The following SMIM3 variants were observed in gnomAD, a reference collection of about 807,000 sequenced individuals.
SMIM3 encodes small integral membrane protein 3.
SMIM3 carries 4 observed loss-of-function variants against 2.1 expected under a neutral mutation model. The observed-to-expected ratio is 1.89, with a 90% CI of 0.93 to 4.31. The LOEUF (loss-of-function observed/expected upper bound fraction) is 4.31. SMIM3 is among the 30% of genes most tolerant of loss of function. The pLI is 0.01. For missense variants in SMIM3, 79 were observed against 77.7 expected, an observed-to-expected ratio of 1.02 and a Z score of -0.06; for synonymous variants, 29 against 30.8, an observed-to-expected ratio of 0.94 and a Z score of 0.19.
At chr5:150,788,702 C>T (rs532195189) in intron 1 of SMIM3, among the ~76,000 whole-genome samples, 158 of 151,034 alleles carry the variant, frequency 1.0e-3, no homozygotes, top group Non-Finnish European at 4.6e-4. Flanking sequence ...CATTGCTTTT[C>T]CCCCCACCTT....
At chr5:150,795,325 A>C in intron 1 of SMIM3, 105 bp from the exon 2 acceptor site, 1 of 1,177,156 alleles carries the variant, frequency 8.5e-7, no homozygotes, top group Non-Finnish European at 1.3e-6. Flanking sequence ...TAAAGTTTAC[A>C]TATCTGGTAA....
chr5:150,792,811 G>A (rs2113207186), intron 1 of SMIM3, among the ~76,000 whole-genome samples: 1 of 152,274 alleles, frequency 6.6e-6, no homozygotes, highest in African/African-American at 2.4e-5. Context: ...CAAAGTGTTG[G>A]GGTTATAGGC....
At chr5:150,791,684 T>C (rs1285635252) in intron 1 of SMIM3, among the ~76,000 whole-genome samples, 1 of 152,208 alleles carries the variant, frequency 6.6e-6, no homozygotes, top group Non-Finnish European at 1.5e-5. Flanking sequence ...TTCCATAACT[T>C]GGCTCTTGTG....
At position 150,795,684 on chromosome 5, in the gene SMIM3, T is replaced by G; in HGVS notation, c.*61T>G. The G allele has an allele frequency of 6.6e-7, 1 of 1,507,852 alleles. No individual in the cohort carries two copies. The allele number at this position is 1,507,852 out of a possible 1,614,324, so 93.4% of individuals were successfully genotyped here. The stretch of plus-strand genomic sequence containing the variant: ...AGGCATCCTATCCCCAGCCTCTTCC[T>G]GTCTTCAGAAAAGCAGCAGGAGGGA... On this transcript the variant is annotated 3_prime_UTR_variant, in exon 2 of 2. Coordinates refer to ENST00000526627, the MANE Select transcript of SMIM3 (RefSeq NM_032947.5).
chr5:150,782,129 T>C (rs1753242349), intron 1 of SMIM3, among the ~76,000 whole-genome samples: 1 of 152,188 alleles, frequency 6.6e-6, no homozygotes, highest in South Asian at 2.1e-4. Context: ...GAGTGCTCCT[T>C]AGGGACTTTG....
chr5:150,786,611 CT>C (rs1753296340), intron 1 of SMIM3, among the ~76,000 whole-genome samples: 1 of 152,134 alleles, frequency 6.6e-6, no homozygotes, highest in African/African-American at 2.4e-5. Flanking sequence ...TTAAAAAAAT[CT>C]GTTTATTCTT....
intron 1 of SMIM3, among the ~76,000 whole-genome samples, chr5:150,783,852 G>A (rs969725683): frequency 5.9e-5 from 9 of 151,536 alleles, no homozygotes; most frequent in South Asian, 2.1e-4. Flanking sequence ...TTCCTACATT[G>A]GGCCCAGATC....
intron 1 of SMIM3, among the ~76,000 whole-genome samples, chr5:150,788,673 T>C (rs1042194280): frequency 1.3e-5 from 2 of 151,994 alleles, no homozygotes; most frequent in African/African-American, 4.8e-5. Context: ...AAAGTTTTTT[T>C]CCTCTTTCGT....
intron 1 of SMIM3, among the ~76,000 whole-genome samples, chr5:150,781,180 C>T (rs536484445): frequency 1.3e-5 from 2 of 152,306 alleles, no homozygotes; most frequent in East Asian, 1.9e-4. Context: ...GGCACCCTGG[C>T]TCCAGGGCCT....
chr5:150,779,050 G>A, intron 1 of SMIM3, 78 bp downstream of exon 1: 1 of 462,904 alleles, frequency 2.2e-6, no homozygotes, highest in South Asian at 1.6e-5. Context: ...TACCTCTAGT[G>A]CGGCCCCTTT....
At chr5:150,792,276 G>A (rs1490157858) in intron 1 of SMIM3, among the ~76,000 whole-genome samples, 2 of 152,236 alleles carry the variant, frequency 1.3e-5, no homozygotes, top group Non-Finnish European at 2.9e-5. Context: ...ACCTGCAGGA[G>A]ATAGTTCCAG....
intron 1 of SMIM3, among the ~76,000 whole-genome samples, chr5:150,780,327 A>G (rs999778751): frequency 2.6e-5 from 4 of 152,186 alleles, no homozygotes; most frequent in Admixed American, 2.6e-4. Flanking sequence ...CACAGCAGCC[A>G]TCTAGACACA....
intron 1 of SMIM3, among the ~76,000 whole-genome samples, chr5:150,783,676 T>C (rs928794093): frequency 6.6e-6 from 1 of 152,216 alleles, no homozygotes; most frequent in Non-Finnish European, 1.5e-5. Flanking sequence ...TATTGCCTTC[T>C]TCCTCAGTGA....
rs1456888453 is a variant in SMIM3, at chr5:150,778,888, C to T, written c.-96C>T. On this transcript the variant is annotated 5_prime_UTR_variant, in exon 1 of 2. Transcript: ENST00000526627. Reference sequence around the variant, plus strand: ...AGGCCTGGGGGTCGCTTCCAGCTGCCAGATCCCGTGCAGTCCTGGGGACCC... The same window carrying T: ...AGGCCTGGGGGTCGCTTCCAGCTGCTAGATCCCGTGCAGTCCTGGGGACCC... 2 of 501,662 alleles carry T rather than the reference C, an allele frequency of 4.0e-6. No homozygotes were observed. The highest frequency in any genetic ancestry group is 6.1e-5 in the East Asian group (1 of 16,304). 31.1% of individuals were successfully genotyped at this position (501,662 alleles called of 1,614,324 possible).
intron 1 of SMIM3, among the ~76,000 whole-genome samples, chr5:150,782,349 G>T (rs1321748671): frequency 6.6e-6 from 1 of 152,128 alleles, no homozygotes. Context: ...TCTCATATTG[G>T]ACTTGGCATG....
intron 1 of SMIM3, 113 bp downstream of exon 1, chr5:150,779,085 T>C (rs927926001): frequency 9.1e-6 from 4 of 439,006 alleles, no homozygotes; most frequent in Admixed American, 7.8e-5. Context: ...CGTTCTTCTT[T>C]ATGTCCGGTC....
rs543114113 is a variant in SMIM3, at chr5:150,792,982, A to G, written c.-11-2448A>G. Among the ~76,000 whole-genome samples the G allele has an allele frequency of 4.6e-5, 7 of 152,278 alleles. No individual in the cohort carries two copies. The South Asian group carries it at 1.2e-3, about 27-fold the overall frequency. On this transcript the variant is annotated intron_variant, in intron 1 of 1. Transcript: ENST00000526627. Reference sequence around the variant, plus strand: ...AGTGTCCAGCAGGTGCATATATTCCATTAGTAACTAGTTAAGAATGAAATA... The same window carrying G: ...AGTGTCCAGCAGGTGCATATATTCCGTTAGTAACTAGTTAAGAATGAAATA...
At chr5:150,784,182 G>T (rs1167206991) in intron 1 of SMIM3, among the ~76,000 whole-genome samples, 1 of 152,072 alleles carries the variant, frequency 6.6e-6, no homozygotes, top group East Asian at 1.9e-4. Context: ...GGGTTCACTA[G>T]CTCAGCTTAA....
intron 1 of SMIM3, among the ~76,000 whole-genome samples, chr5:150,790,116 G>C (rs1753335100): frequency 6.6e-6 from 1 of 152,174 alleles, no homozygotes; most frequent in Non-Finnish European, 1.5e-5. Flanking sequence ...TAAGGAGTAA[G>C]ACTGCAGGAG....
Sources: allele counts gnomAD v4.1 joint callset (sites outside exome capture counted in the v4.1 genomes callset), GRCh38; gene constraint gnomAD v4.1.1; transcripts MANE v1.5; gene names NCBI Gene and HGNC (gene_info 2026-07-23, HGNC 2026-07-21).